Variants in CDIN1 observed in about 807,000 individuals in gnomAD.
CDIN1 encodes the protein CDAN1 interacting nuclease 1.
Under a neutral mutation model 45.3 loss-of-function variants are expected in CDIN1, and 33 were observed. The ratio of observed to expected loss-of-function variants is 0.73; its 90% CI spans 0.55 to 0.97. The LOEUF (loss-of-function observed/expected upper bound fraction) is 0.97, where lower values mean the gene tolerates loss of function less well. Among genes scored for constraint, CDIN1 ranks in the 50% least tolerant of loss-of-function variants. CDIN1 has a pLI of 0.00. For synonymous variants in CDIN1, 118 were observed against 124.4 expected (o/e 0.95, Z 0.34); for missense variants, 303 against 339.4 (o/e 0.89, Z 0.84).
chr15:36,588,802 A>G (rs1830135919), intron 1 of CDIN1, among the ~76,000 whole-genome samples: 1 of 152,062 alleles, frequency 6.6e-6, no homozygotes, highest in Admixed American at 6.5e-5. Flanking sequence ...TTTAGCTTTT[A>G]TTAGATATTT....
chr15:36,644,290 C>T lies in CDIN1; in HGVS notation c.114C>T (p.Ala38=). ...LKQRFPSQSQ[A]TLLSIFSQEY... The stretch of plus-strand genomic sequence containing the variant: ...TTATTTGTTCCAGTCAATCGCAGGC[C>T]ACTCTGCTGAGCATCTTCTCCCAGG... Residue 38 remains alanine (A), a synonymous_variant, in exon 2 of 11, where the codon GCC becomes GCT. Coordinates refer to ENST00000566621, the MANE Select transcript of CDIN1 (RefSeq NM_001321759.2). The T allele has an allele frequency of 1.2e-6, 2 of 1,613,716 alleles. No individual in the cohort carries two copies. Among genetic ancestry groups the T allele is most frequent in the African/African-American group, 1.3e-5 (1 of 75,024 alleles).
intron 8 of CDIN1, chr15:36,702,173 C>A: frequency 2.9e-6 from 2 of 700,140 alleles, no homozygotes; most frequent in East Asian, 2.7e-5. Flanking sequence ...AGGAATCCAC[C>A]ATTTAAATTC....
chr15:36,625,386 T>G (rs2039379787), intron 1 of CDIN1, among the ~76,000 whole-genome samples: 1 of 152,196 alleles, frequency 6.6e-6, no homozygotes, highest in African/African-American at 2.4e-5. Context: ...CGGAATTAAA[T>G]TTAACCTCTA....
intron 5 of CDIN1, among the ~76,000 whole-genome samples, chr15:36,680,217 A>T (rs2041802016): frequency 6.6e-6 from 1 of 152,122 alleles, no homozygotes; most frequent in Non-Finnish European, 1.5e-5. Flanking sequence ...CCTTAGTAGT[A>T]GTTTAGGTGA....
chr15:36,663,496 C>T lies in CDIN1; in HGVS notation c.346+5591C>T, dbSNP rs147708268. ...TAATTGAATCATGGGGGGCGGTTAC[C>T]CCCATGCTTTTGTTCTTGTAATAGT... On this transcript the variant is annotated intron_variant, in intron 5 of 10. Transcript: ENST00000566621. Among the ~76,000 whole-genome samples the T allele has an allele frequency of 2.1e-3, 313 of 152,170 alleles. 6 individuals carry two copies. Among genetic ancestry groups the T allele is most frequent in the Admixed American group, 0.016 (251 of 15,298 alleles).
intron 10 of CDIN1, among the ~76,000 whole-genome samples, chr15:36,725,821 CTATAAA>C (rs915356422): frequency 2.0e-5 from 3 of 151,804 alleles, no homozygotes; most frequent in African/African-American, 7.3e-5. Flanking sequence ...TAATGAATTT[CTATAAA>C]TATAAAAGTA....
chr15:36,806,323 T>C (rs1316526408), intron 10 of CDIN1, among the ~76,000 whole-genome samples: 1 of 152,208 alleles, frequency 6.6e-6, no homozygotes, highest in Non-Finnish European at 1.5e-5. Context: ...CTTTGGCTTA[T>C]GATTTAGCTG....
At chr15:36,755,304 A>AC (rs1025965988) in intron 10 of CDIN1, among the ~76,000 whole-genome samples, 7 of 152,126 alleles carry the variant, frequency 4.6e-5, no homozygotes, top group African/African-American at 1.7e-4. Context: ...TCACCCGGGC[A>AC]CCCAAACCCT....
intron 1 of CDIN1, among the ~76,000 whole-genome samples, chr15:36,603,215 TC>T (rs144620263): frequency 2.8e-4 from 43 of 152,074 alleles, no homozygotes; most frequent in African/African-American, 1.0e-3. Flanking sequence ...TTCTCTGTGC[TC>T]CCCAAATGTA....
intron 5 of CDIN1, among the ~76,000 whole-genome samples, chr15:36,684,302 C>T (rs1256282290): frequency 1.3e-5 from 2 of 152,006 alleles, no homozygotes; most frequent in Admixed American, 6.6e-5. Flanking sequence ...TGAATTTTGT[C>T]AAAGGCCTTT....
chr15:36,661,929 G>T (rs985075608), intron 5 of CDIN1, among the ~76,000 whole-genome samples: 2 of 152,132 alleles, frequency 1.3e-5, no homozygotes, highest in Non-Finnish European at 2.9e-5. Context: ...GTCCTTTTAT[G>T]AAAATCAATC....
At chr15:36,760,028 A>G (rs559660847) in intron 10 of CDIN1, among the ~76,000 whole-genome samples, 1 of 152,320 alleles carries the variant, frequency 6.6e-6, no homozygotes, top group African/African-American at 2.4e-5. Flanking sequence ...ATCACACTGT[A>G]TATACTGTAG....
intron 10 of CDIN1, among the ~76,000 whole-genome samples, chr15:36,789,592 C>G (rs1215344595): frequency 1.3e-5 from 2 of 152,110 alleles, no homozygotes; most frequent in Admixed American, 6.5e-5. Flanking sequence ...ATTAGGGAGA[C>G]AGTGGTTAAC....
chr15:36,666,294 A>G (rs1374532731), intron 5 of CDIN1, among the ~76,000 whole-genome samples: 1 of 152,148 alleles, frequency 6.6e-6, no homozygotes, highest in Non-Finnish European at 1.5e-5. Context: ...CTCTACCCCC[A>G]CTGATGAAAT....
At chr15:36,620,701 T>C (rs1054557773) in intron 1 of CDIN1, among the ~76,000 whole-genome samples, 1 of 152,212 alleles carries the variant, frequency 6.6e-6, no homozygotes, top group Non-Finnish European at 1.5e-5. Flanking sequence ...GACCTTACAG[T>C]AATTTATTTG....
intron 10 of CDIN1, among the ~76,000 whole-genome samples, chr15:36,776,183 T>A (rs1307102745): frequency 6.6e-6 from 1 of 152,250 alleles, no homozygotes; most frequent in Non-Finnish European, 1.5e-5. Flanking sequence ...CACATTCTTC[T>A]GATGAGCCTT....
intron 10 of CDIN1, among the ~76,000 whole-genome samples, chr15:36,742,753 A>G (rs966052449): frequency 3.3e-5 from 5 of 152,218 alleles, no homozygotes; most frequent in African/African-American, 1.2e-4. Context: ...TCGTTTATTC[A>G]TTAAACTGGT....
At chr15:36,734,412 A>T (rs373560558) in intron 10 of CDIN1, 24 of 341,316 alleles carry the variant, frequency 7.0e-5, no homozygotes, top group Middle Eastern at 8.0e-4. Flanking sequence ...TTTTTTTTTA[A>T]AAAAAGCTCA....
At chr15:36,749,885 G>A (rs2053412032) in intron 10 of CDIN1, among the ~76,000 whole-genome samples, 1 of 152,220 alleles carries the variant, frequency 6.6e-6, no homozygotes, top group African/African-American at 2.4e-5. Context: ...TGGGAGGTGG[G>A]AGACAGGGCA....
Sources: allele counts gnomAD v4.1 joint callset (sites outside exome capture counted in the v4.1 genomes callset), GRCh38; gene constraint gnomAD v4.1.1; transcripts MANE v1.5; gene names NCBI Gene and HGNC (gene_info 2026-07-23, HGNC 2026-07-21).